The following UBE2Q2 variants were observed in gnomAD, a reference collection of about 807,000 sequenced individuals.
UBE2Q2 encodes the protein ubiquitin conjugating enzyme E2 Q2.
A neutral mutation model predicts 59.9 loss-of-function variants in UBE2Q2; 54 were observed. The ratio of observed to expected loss-of-function variants is 0.90; its 90% CI spans 0.72 to 1.13. The LOEUF (loss-of-function observed/expected upper bound fraction) is 1.13, where lower values mean the gene tolerates loss of function less well. UBE2Q2 is among the 50% of genes most tolerant of loss of function. The probability of loss-of-function intolerance (pLI) is 0.00; values close to 1 mark genes in which losing one functional copy is unlikely to be tolerated. For missense variants in UBE2Q2, 433 were observed against 441.9 expected, an observed-to-expected ratio of 0.98 and a Z score of 0.18; for synonymous variants, 165 against 155.2, an observed-to-expected ratio of 1.06 and a Z score of -0.47.
At chr15:75,865,128 C>T (rs1275240489) in intron 3 of UBE2Q2, among the ~76,000 whole-genome samples, 1 of 152,262 alleles carries the variant, frequency 6.6e-6, no homozygotes, top group Non-Finnish European at 1.5e-5. Context: ...AGAGAAGGAA[C>T]ATTGCTCGCA....
intron 1 of UBE2Q2, among the ~76,000 whole-genome samples, chr15:75,850,484 C>A (rs1229445785): frequency 3.9e-5 from 6 of 152,166 alleles, no homozygotes; most frequent in African/African-American, 1.4e-4. Flanking sequence ...CCAGATCTCC[C>A]AGAACTAGAG....
chr15:75,897,846 A>G (rs1899519018), intron 12 of UBE2Q2, among the ~76,000 whole-genome samples: 1 of 152,068 alleles, frequency 6.6e-6, no homozygotes, highest in Non-Finnish European at 1.5e-5. Context: ...AGTATTCTTT[A>G]CTTTGCTAGA....
At chr15:75,845,242 A>G (rs1176562977) in intron 1 of UBE2Q2, among the ~76,000 whole-genome samples, 1 of 152,154 alleles carries the variant, frequency 6.6e-6, no homozygotes, top group East Asian at 1.9e-4. Context: ...GGTGACTACA[A>G]TTTTGGAAGG....
At chr15:75,882,087 A>G (rs1364663957) in intron 8 of UBE2Q2, among the ~76,000 whole-genome samples, 1 of 152,228 alleles carries the variant, frequency 6.6e-6, no homozygotes, top group Non-Finnish European at 1.5e-5. Context: ...AATGCAGGGC[A>G]TGAAACTAGT....
chr15:75,871,151 C>G (rs1177647317), intron 4 of UBE2Q2, among the ~76,000 whole-genome samples: 1 of 152,340 alleles, frequency 6.6e-6, no homozygotes, highest in East Asian at 1.9e-4. Flanking sequence ...GGTAAAGAAT[C>G]AAGTGCTGTG....
In UBE2Q2 at chr15:75,899,582, G is replaced by A; in HGVS notation, c.*124G>A. ...AAGATGTTAGTTAATAGATATTTTA[G>A]TGGATAATCTGTCATCTGACATCCA... On this transcript the variant is annotated 3_prime_UTR_variant, in exon 13 of 13. Coordinates refer to ENST00000267938, the MANE Select transcript of UBE2Q2 (RefSeq NM_173469.4). 4.1e-6 allele frequency: 3 copies of A among 726,772 alleles called. No individual in the cohort carries two copies. In the South Asian group the frequency reaches 5.5e-5, roughly 13 times the overall value. The allele number at this position is 726,772 out of a possible 1,614,324, so 45.0% of individuals were successfully genotyped here.
chr15:75,857,326 A>G (rs1438562221), intron 2 of UBE2Q2, among the ~76,000 whole-genome samples: 1 of 152,202 alleles, frequency 6.6e-6, no homozygotes, highest in African/African-American at 2.4e-5. Context: ...AAAATGAGTT[A>G]TTTTTCAGTA....
chr15:75,889,962 A>G (rs778922016), intron 9 of UBE2Q2, among the ~76,000 whole-genome samples: 8 of 152,220 alleles, frequency 5.3e-5, no homozygotes, highest in Non-Finnish European at 1.2e-4. Flanking sequence ...TGATTCTCAC[A>G]ACAGAATGGG....
At chr15:75,844,025 G>C in intron 1 of UBE2Q2, 179 bp downstream of exon 1, 1 of 1,409,724 alleles carries the variant, frequency 7.1e-7, no homozygotes, top group Non-Finnish European at 9.2e-7. Context: ...CGAGGCTTGG[G>C]TGGGAGGAGG....
rs191727876 is a variant in UBE2Q2, at chr15:75,879,554, C to A, written c.825+366C>A. On this transcript the variant is annotated intron_variant, in intron 8 of 12. Coordinates refer to ENST00000267938, the MANE Select transcript of UBE2Q2 (RefSeq NM_173469.4). ...TGTACAATTCCCTTTATATACAGTT[C>A]AAAAATAGGTAAAACTAATGTTGAT... Among the ~76,000 whole-genome samples the A allele has an allele frequency of 1.8e-3, 267 of 152,126 alleles. 2 individuals carry two copies. Among genetic ancestry groups the A allele is most frequent in the African/African-American group, 6.4e-3 (265 of 41,494 alleles).
intron 1 of UBE2Q2, among the ~76,000 whole-genome samples, chr15:75,849,660 C>A (rs1595852085): frequency 6.6e-6 from 1 of 152,226 alleles, no homozygotes; most frequent in African/African-American, 2.4e-5. Flanking sequence ...TGAAATTTGT[C>A]CACTTACAGT....
chr15:75,876,288 CCCTGCTCTCTTTA>C lies in UBE2Q2; in HGVS notation c.673+18_673+30del. The C allele has an allele frequency of 1.3e-6, 2 of 1,593,844 alleles. No homozygotes were observed. Among genetic ancestry groups the C allele is most frequent in the East Asian group, 4.5e-5 (2 of 44,638 alleles). On this transcript the variant is annotated intron_variant, in intron 6 of 12. Coordinates refer to ENST00000267938, the MANE Select transcript of UBE2Q2 (RefSeq NM_173469.4). ...ATAAAACAGGTAAGGATCTCTGGAT[CCCTGCTCTCTTTA>C]TGATTCTTCTGCTCTTTTCTATTGT... is the stretch of plus-strand genomic sequence containing the variant.
chr15:75,844,424 C>T (rs1435935959), intron 1 of UBE2Q2: 2 of 1,551,590 alleles, frequency 1.3e-6, no homozygotes, highest in Middle Eastern at 1.7e-4. Flanking sequence ...GACCCCTCTC[C>T]CCCGGGCCTG....
intron 2 of UBE2Q2, among the ~76,000 whole-genome samples, chr15:75,857,757 CAA>C (rs35989972): frequency 2.2e-4 from 27 of 121,648 alleles, no homozygotes; most frequent in Admixed American, 3.5e-4. Flanking sequence ...CTGTTGTAGG[CAA>C]AAAAAAAAAA....
chr15:75,861,281 C>T (rs1178353204), intron 3 of UBE2Q2, among the ~76,000 whole-genome samples: 1 of 152,170 alleles, frequency 6.6e-6, no homozygotes, highest in Non-Finnish European at 1.5e-5. Context: ...ATAATTTTAC[C>T]TTAGAATTTC....
chr15:75,874,778 ACAT>A (rs1205117044), intron 5 of UBE2Q2, among the ~76,000 whole-genome samples: 3 of 152,206 alleles, frequency 2.0e-5, no homozygotes, highest in Admixed American at 6.5e-5. Flanking sequence ...GAGTAGGGAA[ACAT>A]CAAATGATTG....
chr15:75,856,398 G>T (rs1290844648), intron 2 of UBE2Q2, among the ~76,000 whole-genome samples: 4 of 151,710 alleles, frequency 2.6e-5, no homozygotes, highest in African/African-American at 9.7e-5. Context: ...GAATAGACTT[G>T]TTCAACCAGA....
intron 11 of UBE2Q2, among the ~76,000 whole-genome samples, chr15:75,894,889 T>A (rs770134168): frequency 1.2e-4 from 19 of 152,042 alleles, no homozygotes; most frequent in Non-Finnish European, 2.4e-4. Context: ...TTTATTTTTG[T>A]CCTTTTTGTG....
chr15:75,843,780 C>A lies in UBE2Q2; in HGVS notation c.114C>A (p.Phe38Leu). 1 of 1,609,710 alleles carries A rather than the reference C, an allele frequency of 6.2e-7. No homozygotes were observed. The highest frequency in any genetic ancestry group is 8.5e-7 in the Non-Finnish European group (1 of 1,178,612). ...AGCTGGACGAGCTGCACTGCCAGTT[C>A]CTGGTGCCGCAGCAGGGCAGCCCGC... is the stretch of plus-strand genomic sequence containing the variant. ...SWKLDELHCQ[F>L]LVPQQGSPHS... Residue 38 changes from phenylalanine to leucine, a missense_variant, in exon 1 of 13, where the codon TTC (phenylalanine) becomes TTA (leucine). Transcript: ENST00000267938.
Sources: allele counts gnomAD v4.1 joint callset (sites outside exome capture counted in the v4.1 genomes callset), GRCh38; gene constraint gnomAD v4.1.1; transcripts MANE v1.5; gene names NCBI Gene and HGNC (gene_info 2026-07-23, HGNC 2026-07-21).